The following SCAI variants were observed in gnomAD, a reference collection of about 807,000 sequenced individuals.
SCAI encodes suppressor of cancer cell invasion.
Under a neutral mutation model 92.2 loss-of-function variants are expected in SCAI, and 24 were observed. The ratio of observed to expected loss-of-function variants is 0.26; its 90% CI spans 0.19 to 0.37. SCAI has a LOEUF of 0.37. Ranked by LOEUF, SCAI falls within the 10% of genes least tolerant of loss-of-function variation. The pLI, the probability that SCAI is intolerant of heterozygous loss-of-function variation, is 1.00. For synonymous variants in SCAI, 261 were observed against 258.6 expected (o/e 1.01, Z -0.09); for missense variants, 450 against 736.2 (o/e 0.61, Z 4.50).
chr9:125,141,518 T>C (rs1228956123), intron 2 of SCAI, among the ~76,000 whole-genome samples: 3 of 152,226 alleles, frequency 2.0e-5, no homozygotes, highest in South Asian at 2.1e-4. Flanking sequence ...GTGATAAATA[T>C]ATCTTCATCT....
intron 4 of SCAI, among the ~76,000 whole-genome samples, chr9:125,029,265 C>T (rs564639799): frequency 6.6e-6 from 1 of 152,024 alleles, no homozygotes; most frequent in South Asian, 2.1e-4. Context: ...GGGATTACAG[C>T]TGAGCACCAC....
chr9:125,016,918 G>C (rs1486312962), intron 9 of SCAI, among the ~76,000 whole-genome samples: 1 of 152,118 alleles, frequency 6.6e-6, no homozygotes, highest in Non-Finnish European at 1.5e-5. Context: ...CTGGAACAGG[G>C]GCGTCTGGCA....
intron 3 of SCAI, among the ~76,000 whole-genome samples, chr9:125,031,419 G>C (rs769699632): frequency 2.0e-5 from 3 of 152,000 alleles, no homozygotes; most frequent in East Asian, 3.9e-4. Flanking sequence ...CTGCCACCAC[G>C]CCCGGCTAAT....
chr9:125,047,292 CAGGA>C lies in SCAI; in HGVS notation c.230+8580_230+8583del, dbSNP rs1256465797. Among the ~76,000 whole-genome samples the C allele has an allele frequency of 3.9e-5, 6 of 152,154 alleles. No homozygotes were observed. In the East Asian group the frequency reaches 1.2e-3, roughly 29 times the overall value. ...ATGCAAAGATGACCATGTGAGGGCA[CAGGA>C]AGGAGGCATCCATCTGCAATCCAAG... is the stretch of plus-strand genomic sequence containing the variant. On this transcript the variant is annotated intron_variant, in intron 3 of 17. Coordinates refer to ENST00000336505, the MANE Select transcript of SCAI (RefSeq NM_001144877.3).
chr9:125,003,756 C>T (rs1832414100), intron 9 of SCAI, 186 bp from the exon 10 acceptor site: 1 of 579,294 alleles, frequency 1.7e-6, no homozygotes. Flanking sequence ...CAGTGACATC[C>T]ATATGTTCAT....
At chr9:125,038,574 A>T (rs1833250172) in intron 3 of SCAI, among the ~76,000 whole-genome samples, 2 of 152,218 alleles carry the variant, frequency 1.3e-5, no homozygotes, top group African/African-American at 4.8e-5. Context: ...AATGTTTTTT[A>T]AAATTTCATC....
At chr9:125,110,171 G>A (rs1834903303) in intron 2 of SCAI, among the ~76,000 whole-genome samples, 2 of 152,106 alleles carry the variant, frequency 1.3e-5, no homozygotes, top group South Asian at 4.1e-4. Context: ...TTTAAGATTG[G>A]AAAGTTTATT....
rs1835238196 is a variant in SCAI, at chr9:125,125,314, T to C, written c.98+17319A>G. 2.6e-5 allele frequency among the ~76,000 whole-genome samples: 4 copies of C among 152,100 alleles called. No homozygotes were observed. In the South Asian group the frequency reaches 8.3e-4, roughly 32 times the overall value. ...TTGAGTGGCCGAGGTGGGAGGATCA[T>C]GAGGTCAGGATCCAGACTAGGCTGG... is the stretch of plus-strand genomic sequence containing the variant. On this transcript the variant is annotated intron_variant, in intron 2 of 17. Transcript: ENST00000336505.
chr9:125,042,431 A>T (rs1833333474), intron 3 of SCAI, among the ~76,000 whole-genome samples: 1 of 151,992 alleles, frequency 6.6e-6, no homozygotes, highest in African/African-American at 2.4e-5. Flanking sequence ...ATTGATCCCT[A>T]CGTACACCTA....
rs1831226868 is a variant in SCAI at position 124,951,031 on chromosome 9, C to T, written c.*1776G>A. The T allele has an allele frequency of 6.8e-6, 1 of 147,018 alleles. No homozygotes were observed. The highest frequency in any genetic ancestry group is 1.5e-5 in the Non-Finnish European group (1 of 67,498). 9.1% of individuals were successfully genotyped at this position (147,018 alleles called of 1,614,324 possible). A position where few individuals can be genotyped will look rare whatever the true frequency, so the allele number is the denominator to read the frequency against. On this transcript the variant is annotated 3_prime_UTR_variant, in exon 18 of 18. Transcript: ENST00000336505. ...CATGAATGTACCGCTGCACCCCAAC[C>T]TGGGCAACAAAGCAAGACTCTGTCT... is the stretch of plus-strand genomic sequence containing the variant.
At chr9:124,960,020 G>A (rs566515812) in intron 17 of SCAI, among the ~76,000 whole-genome samples, 1 of 152,222 alleles carries the variant, frequency 6.6e-6, no homozygotes, top group African/African-American at 2.4e-5. Flanking sequence ...CTTTATAGCA[G>A]CATGATTTAT....
At chr9:125,108,906 G>C (rs566192919) in intron 2 of SCAI, among the ~76,000 whole-genome samples, 2 of 152,232 alleles carry the variant, frequency 1.3e-5, no homozygotes, top group Non-Finnish European at 2.9e-5. Context: ...TGGCGGTTTT[G>C]TCAAATGGAA....
intron 2 of SCAI, among the ~76,000 whole-genome samples, chr9:125,074,234 G>C (rs1834039797): frequency 1.4e-5 from 2 of 146,910 alleles, no homozygotes; most frequent in African/African-American, 5.0e-5. Flanking sequence ...ACTCCAGCCT[G>C]GGTGACAGAG....
chr9:125,059,213 T>C (rs1244298757), intron 2 of SCAI, among the ~76,000 whole-genome samples: 9 of 152,216 alleles, frequency 5.9e-5, no homozygotes, highest in Non-Finnish European at 8.8e-5. Context: ...GTCAAAGTTC[T>C]GTAGCCTGAG....
At chr9:125,056,056 G>A (rs1564395569) in intron 2 of SCAI, 49 bp from the exon 3 acceptor site, 8 of 1,414,844 alleles carry the variant, frequency 5.7e-6, no homozygotes, top group Admixed American at 4.5e-5. Flanking sequence ...AATAAAAATA[G>A]AAAAAAACCT....
chr9:125,042,664 C>T (rs852270), intron 3 of SCAI, among the ~76,000 whole-genome samples: 3,359 of 129,534 alleles, frequency 0.026, 130 homozygotes, highest in African/African-American at 0.07. Context: ...CACACACACA[C>T]ACATATACAA....
At position 124,943,445 on chromosome 9, in the gene SCAI, T is replaced by G. The variant is rs1831091862; in HGVS notation, c.*9362A>C. The G allele has an allele frequency of 6.6e-6, 1 of 152,212 alleles. No individual in the cohort carries two copies. The highest frequency in any genetic ancestry group is 2.4e-5 in the African/African-American group (1 of 41,448). 9.4% of individuals were successfully genotyped at this position (152,212 alleles called of 1,614,324 possible). A position where few individuals can be genotyped will look rare whatever the true frequency, so the allele number is the denominator to read the frequency against. On this transcript the variant is annotated 3_prime_UTR_variant, in exon 18 of 18. Transcript: ENST00000336505. ...ATAGGCAACCAAATAGCTTCATTATTTGCACGACAGATTAGCAGCACTTGG... is the reference window on the plus strand; with the variant it reads ...ATAGGCAACCAAATAGCTTCATTATGTGCACGACAGATTAGCAGCACTTGG...
At position 125,027,154 on chromosome 9, in the gene SCAI, C is replaced by T. The variant is rs141882190; in HGVS notation, c.414-244G>A. Reference sequence around the variant, plus strand: ...CCTTTTTTGATGCCAACCCATATTACACATTATCCTCATTCTTTGAAGGGA... The same window carrying T: ...CCTTTTTTGATGCCAACCCATATTATACATTATCCTCATTCTTTGAAGGGA... On this transcript the variant is annotated intron_variant, in intron 5 of 17. Coordinates refer to ENST00000336505, the MANE Select transcript of SCAI (RefSeq NM_001144877.3). Among the ~76,000 whole-genome samples, 15 of 152,222 alleles carry T rather than the reference C, an allele frequency of 9.9e-5. No homozygotes were observed. The East Asian group carries it at 2.3e-3, about 24-fold the overall frequency.
chr9:124,978,754 T>A (rs1344202227), intron 14 of SCAI, among the ~76,000 whole-genome samples: 1 of 151,936 alleles, frequency 6.6e-6, no homozygotes, highest in African/African-American at 2.4e-5. Context: ...TGACCAGAAA[T>A]ACAGGATTGG....
Sources: allele counts gnomAD v4.1 joint callset (sites outside exome capture counted in the v4.1 genomes callset), GRCh38; gene constraint gnomAD v4.1.1; transcripts MANE v1.5; gene names NCBI Gene and HGNC (gene_info 2026-07-23, HGNC 2026-07-21).